Variants in NRXN3 observed in about 807,000 individuals in gnomAD.
NRXN3 encodes the protein neurexin III.
In NRXN3, 32 loss-of-function variants were observed where a neutral mutation model predicts 137.6. The observed-to-expected ratio is 0.23, with a 90% confidence interval of 0.18 to 0.31. The LOEUF (loss-of-function observed/expected upper bound fraction) is 0.31, where lower values mean the gene tolerates loss of function less well. Among genes scored for constraint, NRXN3 ranks in the 10% least tolerant of loss-of-function variants. NRXN3 has a pLI of 1.00. For synonymous variants in NRXN3, 798 were observed against 784.5 expected (o/e 1.02, Z -0.29); for missense variants, 1,574 against 2,062.5 (o/e 0.76, Z 4.59).
intron 20 of NRXN3, among the ~76,000 whole-genome samples, chr14:79,849,258 A>C (rs1378990111): frequency 3.9e-5 from 6 of 152,226 alleles, no homozygotes; most frequent in Admixed American, 3.9e-4. Context: ...ATCTTTAAGA[A>C]GTATACATCT....
intron 16 of NRXN3, among the ~76,000 whole-genome samples, chr14:79,502,355 C>G (rs1278680411): frequency 6.6e-6 from 1 of 152,084 alleles, no homozygotes; most frequent in Non-Finnish European, 1.5e-5. Context: ...AGTGAAGTAC[C>G]TTTTTTTCTT....
intron 6 of NRXN3, among the ~76,000 whole-genome samples, chr14:78,657,721 G>T (rs913136001): frequency 6.6e-6 from 1 of 152,102 alleles, no homozygotes; most frequent in Non-Finnish European, 1.5e-5. Flanking sequence ...CCTGATAGGC[G>T]TCCACATCTG....
chr14:78,976,442 A>C (rs1199212570), intron 14 of NRXN3, among the ~76,000 whole-genome samples: 1 of 152,136 alleles, frequency 6.6e-6, no homozygotes, highest in Non-Finnish European at 1.5e-5. Context: ...GATGCCTTGG[A>C]AATCTCAAGA....
intron 4 of NRXN3, among the ~76,000 whole-genome samples, chr14:78,388,023 T>C (rs1014430559): frequency 2.6e-5 from 4 of 152,182 alleles, no homozygotes; most frequent in Middle Eastern, 3.2e-3. Flanking sequence ...CTCACTCTCA[T>C]ACTTTTCAAA....
At chr14:79,562,630 T>G (rs886297474) in intron 16 of NRXN3, among the ~76,000 whole-genome samples, 1 of 152,176 alleles carries the variant, frequency 6.6e-6, no homozygotes, top group African/African-American at 2.4e-5. Flanking sequence ...TAAAAGTACT[T>G]TGAAGTCCCA....
intron 1 of NRXN3, among the ~76,000 whole-genome samples, chr14:78,192,905 G>A (rs1458616184): frequency 6.6e-6 from 1 of 152,102 alleles, no homozygotes; most frequent in Non-Finnish European, 1.5e-5. Context: ...CCTACCCAAC[G>A]CCTTCTACCT....
At chr14:79,832,124 TA>T (rs1389704831) in intron 20 of NRXN3, among the ~76,000 whole-genome samples, 1 of 152,156 alleles carries the variant, frequency 6.6e-6, no homozygotes, top group East Asian at 1.9e-4. Context: ...CTAGAGTACT[TA>T]TAATACCCAA....
intron 10 of NRXN3, among the ~76,000 whole-genome samples, chr14:78,814,896 T>A (rs907862296): frequency 6.6e-6 from 1 of 152,198 alleles, no homozygotes; most frequent in Non-Finnish European, 1.5e-5. Flanking sequence ...GCAGTATGAA[T>A]GAATATAGAG....
At chr14:79,268,463 T>C (rs1406228860) in intron 15 of NRXN3, among the ~76,000 whole-genome samples, 1 of 152,216 alleles carries the variant, frequency 6.6e-6, no homozygotes, top group Non-Finnish European at 1.5e-5. Flanking sequence ...TTTTTCTTGT[T>C]GCTCAGCCAC....
At chr14:79,035,308 C>A (rs113914834) in intron 15 of NRXN3, among the ~76,000 whole-genome samples, 27 of 152,088 alleles carry the variant, frequency 1.8e-4, no homozygotes, top group African/African-American at 6.3e-4. Context: ...GAGGACTGTC[C>A]TTTTAATAGG....
chr14:79,773,691 G>C (rs1465163678), intron 19 of NRXN3, among the ~76,000 whole-genome samples: 3 of 151,238 alleles, frequency 2.0e-5, no homozygotes, highest in Non-Finnish European at 2.9e-5. Context: ...CGATGAGTTA[G>C]TGGGCACAGC....
intron 4 of NRXN3, among the ~76,000 whole-genome samples, chr14:78,525,507 T>G (rs781688526): frequency 1.3e-5 from 2 of 152,198 alleles, no homozygotes; most frequent in Non-Finnish European, 2.9e-5. Flanking sequence ...ACAGGGATTC[T>G]CTTACTGTAG....
intron 15 of NRXN3, among the ~76,000 whole-genome samples, chr14:79,439,623 A>G (rs2095899564): frequency 6.6e-6 from 1 of 152,218 alleles, no homozygotes; most frequent in African/African-American, 2.4e-5. Context: ...TTTAAAGAAA[A>G]TAAAATAAAT....
chr14:78,316,461 A>G (rs749319789), intron 4 of NRXN3, among the ~76,000 whole-genome samples: 3 of 152,192 alleles, frequency 2.0e-5, no homozygotes, highest in Non-Finnish European at 2.9e-5. Context: ...AGGGAGGGGC[A>G]GCCACTTTTC....
intron 4 of NRXN3, among the ~76,000 whole-genome samples, chr14:78,390,947 G>A (rs569840228): frequency 5.9e-5 from 9 of 152,112 alleles, no homozygotes; most frequent in Admixed American, 2.6e-4. Flanking sequence ...TCCATCCCCC[G>A]ACAGGCCCCA....
intron 15 of NRXN3, among the ~76,000 whole-genome samples, chr14:79,348,872 T>C (rs76949696): frequency 0.019 from 2,839 of 152,300 alleles, 79 homozygotes; most frequent in African/African-American, 0.064. Flanking sequence ...TCACATTTCA[T>C]AGGGCGATTT....
chr14:79,800,680 T>C (rs551728860), intron 19 of NRXN3, among the ~76,000 whole-genome samples: 8 of 152,278 alleles, frequency 5.3e-5, no homozygotes, highest in African/African-American at 1.9e-4. Flanking sequence ...TGGAAAGCAA[T>C]CAAAGAAGTG....
chr14:79,668,797 G>T (rs1033090555), intron 17 of NRXN3, among the ~76,000 whole-genome samples: 1 of 151,992 alleles, frequency 6.6e-6, no homozygotes, highest in Non-Finnish European at 1.5e-5. Flanking sequence ...TTCCACAAGT[G>T]CCAAATACCC....
chr14:78,385,762 G>A (rs1467885770), intron 4 of NRXN3, among the ~76,000 whole-genome samples: 2 of 152,074 alleles, frequency 1.3e-5, no homozygotes, highest in African/African-American at 4.8e-5. Flanking sequence ...CCACACCCTG[G>A]ACCTTCTCAC....
Sources: allele counts gnomAD v4.1 joint callset (sites outside exome capture counted in the v4.1 genomes callset), GRCh38; gene constraint gnomAD v4.1.1; transcripts MANE v1.5; gene names NCBI Gene and HGNC (gene_info 2026-07-23, HGNC 2026-07-21).